The following PTPRB variants were observed in gnomAD, a reference collection of about 807,000 sequenced individuals.
The protein encoded by PTPRB is receptor-type tyrosine-protein phosphatase beta.
A neutral mutation model predicts 238.1 loss-of-function variants in PTPRB; 97 were observed. The observed-to-expected ratio is 0.41, with a 90% CI of 0.35 to 0.48. The LOEUF (loss-of-function observed/expected upper bound fraction) is 0.48, where lower values mean the gene tolerates loss of function less well. Among genes scored for constraint, PTPRB ranks in the 20% least tolerant of loss-of-function variants. The pLI is 0.30. For missense variants in PTPRB, 2,292 were observed against 2,681.9 expected (o/e 0.85, Z 3.21); for synonymous variants, 970 against 995.4 (o/e 0.97, Z 0.48).
intron 2 of PTPRB, among the ~76,000 whole-genome samples, chr12:70,628,220 T>C (rs1885292443): frequency 6.6e-6 from 1 of 152,184 alleles, no homozygotes; most frequent in South Asian, 2.1e-4. Context: ...AAAGGTGAGA[T>C]TTGAATGAAT....
chr12:70,539,679 C>A lies in PTPRB; in HGVS notation c.5724G>T (p.Gly1908=). 6.3e-7 allele frequency: 1 copy of A among 1,592,720 alleles called. No homozygotes were observed. Among genetic ancestry groups the A allele is most frequent in the Non-Finnish European group, 8.6e-7 (1 of 1,167,272 alleles). The change falls in exon 26 of 34, where the codon GGG becomes GGT. Residue 1908 remains glycine, a synonymous_variant. Transcript: ENST00000334414. The part of the protein sequence containing the change: ...SCPIKINQFE[G]HFMKLQADSN... ...AGTCAGCCTGTAGCTTCATGAAATG[C>A]CCTTCAAACTGATTTATTTTTATTG...
chr12:70,544,506 C>G, intron 22 of PTPRB, 51 bp downstream of exon 22: 1 of 1,275,290 alleles, frequency 7.8e-7, no homozygotes, highest in Non-Finnish European at 1.1e-6. Flanking sequence ...ATTAGAGGCT[C>G]TTGTAGGTGA....
chr12:70,559,638 A>G lies in PTPRB; in HGVS notation c.4433-14T>C. 1 of 1,588,604 alleles carries G rather than the reference A, an allele frequency of 6.3e-7. No individual in the cohort carries two copies. Among genetic ancestry groups the G allele is most frequent in the Admixed American group, 1.7e-5 (1 of 59,784 alleles). ...GAGGACTTGGAGCTGAATGTAGGAG[A>G]AAGTGAAAAATCACATAATCACAGC... On this transcript the variant is annotated splice_polypyrimidine_tract_variant and intron_variant, in intron 17 of 33. Transcript: ENST00000334414.
At chr12:70,561,209 G>GT (rs1878439819) in intron 16 of PTPRB, among the ~76,000 whole-genome samples, 1 of 152,080 alleles carries the variant, frequency 6.6e-6, no homozygotes, top group African/African-American at 2.4e-5. Flanking sequence ...TGAATAAATC[G>GT]TTGTCATTTA....
At chr12:70,535,250 T>A (rs3048111) in intron 29 of PTPRB, among the ~76,000 whole-genome samples, 1 of 103,386 alleles carries the variant, frequency 9.7e-6, no homozygotes, top group Non-Finnish European at 2.0e-5. Context: ...TTTTTTTTTT[T>A]CCCCTCAGCA....
intron 4 of PTPRB, among the ~76,000 whole-genome samples, chr12:70,601,348 T>C (rs1262606928): frequency 6.6e-6 from 1 of 150,866 alleles, no homozygotes; most frequent in African/African-American, 2.4e-5. Flanking sequence ...ATAATCTCTT[T>C]GTACATCTGC....
At chr12:70,590,940 G>GATTT (rs1882431784) in intron 7 of PTPRB, among the ~76,000 whole-genome samples, 1 of 102,860 alleles carries the variant, frequency 9.7e-6, no homozygotes, top group Non-Finnish European at 1.9e-5. Context: ...TTTCCTCCAA[G>GATTT]TTTTTTTTTT....
chr12:70,595,109 T>C (rs1236899270), intron 5 of PTPRB, among the ~76,000 whole-genome samples: 1 of 152,100 alleles, frequency 6.6e-6, no homozygotes, highest in South Asian at 2.1e-4. Context: ...CATGGAATAC[T>C]AGGCAGCCAT....
At position 70,609,079 on chromosome 12, in the gene PTPRB, G is replaced by A; in HGVS notation, c.969C>T (p.Val323=). 6.2e-7 allele frequency: 1 copy of A among 1,614,000 alleles called. No homozygotes were observed. The change falls in exon 4 of 34, where the codon GTC becomes GTT. Residue 323 remains valine, a synonymous_variant. Coordinates refer to ENST00000334414, the MANE Select transcript of PTPRB (RefSeq NM_001109754.4). The part of the protein sequence containing the change: ...IISLDEERTV[V]LQTDPLPPAR... The stretch of plus-strand genomic sequence containing the variant: ...CCTGTCATCCTTTACCTGTTTGCAA[G>A]ACCACTGTTCTCTCTTCATCCAGAG...
rs35496972 is a variant in PTPRB, at chr12:70,590,940, GTTTTTTT to G, written c.1781-714_1781-708del. On this transcript the variant is annotated intron_variant, in intron 7 of 33. Transcript: ENST00000334414. ...TAAAGATCATTTCTATTTCCTCCAAGTTTTTTTTTTTTTTTTTTTTTGAGACAGGGTC... is the reference window on the plus strand; with the variant it reads ...TAAAGATCATTTCTATTTCCTCCAAGTTTTTTTTTTTTTTGAGACAGGGTC... Among the ~76,000 whole-genome samples, 41 of 102,848 alleles carry G rather than the reference GTTTTTTT, an allele frequency of 4.0e-4. No homozygotes were observed. The East Asian group carries it at 0.012, about 29-fold the overall frequency. 67.5% of individuals were successfully genotyped at this position (102,848 alleles called of 152,430 possible).
chr12:70,613,685 G>A (rs77955412), intron 3 of PTPRB, among the ~76,000 whole-genome samples: 8,694 of 152,100 alleles, frequency 0.057, 286 homozygotes, highest in Middle Eastern at 0.092. Flanking sequence ...TACCTTTCCC[G>A]GTCATATGGA....
chr12:70,596,373 A>G (rs1883031500), intron 4 of PTPRB, 46 bp from the exon 5 acceptor site: 8 of 1,329,314 alleles, frequency 6.0e-6, no homozygotes, highest in Non-Finnish European at 6.7e-6. Flanking sequence ...AAAAGAAAGA[A>G]AAAGAAAAAA....
At chr12:70,591,962 TAA>T (rs1416726487) in intron 7 of PTPRB, 11 of 333,808 alleles carry the variant, frequency 3.3e-5, no homozygotes, top group Non-Finnish European at 5.0e-5. Flanking sequence ...AAAACATGGT[TAA>T]ATGCTAACTG....
chr12:70,610,621 A>T (rs886606318), intron 3 of PTPRB, among the ~76,000 whole-genome samples: 3 of 152,106 alleles, frequency 2.0e-5, no homozygotes, highest in Non-Finnish European at 4.4e-5. Flanking sequence ...TAGCAAGAGA[A>T]AAAGACCCCA....
chr12:70,596,199 G>A lies in PTPRB; in HGVS notation c.1108C>T (p.Gln370Ter). 6.2e-7 allele frequency: 1 copy of A among 1,613,492 alleles called. No individual in the cohort carries two copies. Among genetic ancestry groups the A allele is most frequent in the Non-Finnish European group, 8.5e-7 (1 of 1,179,764 alleles). Reference sequence around the variant, plus strand: ...TGAATTTGAACCCCCTGTATCTTTTGGTTATTTTCATCAAATAATTGCACC... The same window carrying A: ...TGAATTTGAACCCCCTGTATCTTTTAGTTATTTTCATCAAATAATTGCACC... Reference protein sequence around the residue: ...YEVQLFDENNQKIQGVQIQES... With the variant: ...YEVQLFDENN The change falls in exon 5 of 34, where the codon CAA becomes TAA. Residue 370 changes from glutamine (Q) to a stop codon, truncating the protein, a stop_gained. Coordinates refer to ENST00000334414, the MANE Select transcript of PTPRB (RefSeq NM_001109754.4). LOFTEE classifies it high-confidence loss of function.
At chr12:70,524,855 G>GTA (rs374457577) in intron 32 of PTPRB, among the ~76,000 whole-genome samples, 4 of 134,122 alleles carry the variant, frequency 3.0e-5, no homozygotes, top group African/African-American at 1.1e-4. Context: ...ATATATGTGT[G>GTA]TATATGTGTG....
At position 70,521,517 on chromosome 12, in the gene PTPRB, A is replaced by T; in HGVS notation, c.6626-6T>A. 1 of 1,542,740 alleles carries T rather than the reference A, an allele frequency of 6.5e-7. No individual in the cohort carries two copies. The highest frequency in any genetic ancestry group is 2.4e-5 in the East Asian group (1 of 41,754). On this transcript the variant is annotated splice_polypyrimidine_tract_variant and splice_region_variant and intron_variant, in intron 33 of 33. Transcript: ENST00000334414. Reference sequence around the variant, plus strand: ...ATGCCTTGAATAGACTGGATCTGAAAGGAAGAACACTGTAATTAGAGACTG... The same window carrying T: ...ATGCCTTGAATAGACTGGATCTGAATGGAAGAACACTGTAATTAGAGACTG...
intron 2 of PTPRB, among the ~76,000 whole-genome samples, chr12:70,622,952 G>A (rs562277951): frequency 1.4e-5 from 2 of 148,132 alleles, no homozygotes; most frequent in South Asian, 2.2e-4. Context: ...AGAATTTAGG[G>A]GGGGGGTCAC....
In PTPRB at chr12:70,521,365, C is replaced by T; in HGVS notation, c.*124G>A. ...ATTATATAAAATTTTAAACATTCTC[C>T]AGATTAATAAATTATACATAGTATC... is the stretch of plus-strand genomic sequence containing the variant. On this transcript the variant is annotated 3_prime_UTR_variant, in exon 34 of 34. Transcript: ENST00000334414. The T allele has an allele frequency of 5.2e-6, 3 of 579,146 alleles. No homozygotes were observed. Among genetic ancestry groups the T allele is most frequent in the African/African-American group, 1.9e-5 (1 of 52,154 alleles). 35.9% of individuals were successfully genotyped at this position (579,146 alleles called of 1,614,324 possible). A position where few individuals can be genotyped will look rare whatever the true frequency, so the allele number is the denominator to read the frequency against.
Sources: gnomAD v4.1 joint callset for allele counts (sites outside exome capture counted in the v4.1 genomes callset) on GRCh38, gnomAD v4.1.1 for gene constraint, MANE v1.5 for transcripts, NCBI Gene and HGNC (gene_info 2026-07-23, HGNC 2026-07-21) for gene names.